Variants in TCEAL9 observed in about 807,000 individuals in gnomAD.
The protein encoded by TCEAL9 is transcription elongation factor A like 9.
TCEAL9 carries 2 observed loss-of-function variants against 5.2 expected under a neutral mutation model. The observed-to-expected ratio is 0.38, with a 90% CI of 0.16 to 1.21. TCEAL9 has a LOEUF of 1.21. Ranked by LOEUF, TCEAL9 falls within the 50% of genes most tolerant of loss-of-function variation. The pLI is 0.35. For missense variants in TCEAL9, 76 were observed against 74.2 expected (o/e 1.02, Z -0.09); for synonymous variants, 26 against 22.3 (o/e 1.17, Z -0.47).
At position 103,357,977 on chromosome X, in the gene TCEAL9, A is replaced by G. The variant is rs757314632; in HGVS notation, c.293A>G (p.His98Arg). The G allele has an allele frequency of 8.3e-7, 1 of 1,207,485 alleles. No homozygotes were observed. Among genetic ancestry groups the G allele is most frequent in the Non-Finnish European group, 1.1e-6 (1 of 893,406 alleles). The change falls in exon 3 of 3, where the codon CAT becomes CGT. Residue 98 changes from histidine (H) to arginine (R), a missense_variant. Transcript: ENST00000372661. ...IVMRWKVNRN[H>R]PYPYLM The stretch of plus-strand genomic sequence containing the variant: ...ATGCGTTGGAAGGTTAATCGAAACC[A>G]TCCTTACCCCTATTTAATGTAGTTT...
chrX:103,357,860 A>T lies in TCEAL9; in HGVS notation c.176A>T (p.Asp59Val). 8.3e-7 allele frequency: 1 copy of T among 1,212,058 alleles called. No individual in the cohort carries two copies. Among genetic ancestry groups the T allele is most frequent in the Non-Finnish European group, 1.1e-6 (1 of 895,625 alleles). The change falls in exon 3 of 3, where the codon GAT (aspartate) becomes GTT (valine). Residue 59 changes from aspartate (D) to valine (V), a missense_variant. Asp to Val is a radical substitution (Grantham distance 152). Transcript: ENST00000372661. ...LIQSLQEFKEDIHNRHLSNED... is the reference protein window; with the variant it reads ...LIQSLQEFKEVIHNRHLSNED... ...CAATCTCTCCAGGAGTTTAAAGAAG[A>T]TATACACAACAGGCATTTAAGCAAT...
Position 103,358,151 on chromosome X carries a change from T to A in TCEAL9, c.*152T>A, listed in dbSNP as rs1926929054. On this transcript the variant is annotated 3_prime_UTR_variant, in exon 3 of 3. Transcript: ENST00000372661. ...TTGTTATCTGCATCTCATTGTTTAT[T>A]GTATTTTGAACCAATCTACAAGTCT... is the stretch of plus-strand genomic sequence containing the variant. The A allele has an allele frequency of 2.1e-6, 1 of 472,661 alleles. No individual in the cohort carries two copies. Among genetic ancestry groups the A allele is most frequent in the South Asian group, 6.4e-5 (1 of 15,625 alleles). The allele number at this position is 472,661 out of a possible 1,213,427, so 39.0% of individuals were successfully genotyped here.
intron 1 of TCEAL9, 80 bp from the exon 2 acceptor site, chrX:103,357,003 A>G (rs991460156): frequency 2.7e-5 from 3 of 111,172 alleles, no homozygotes; most frequent in African/African-American, 9.9e-5. Context: ...CTAAAGGAGG[A>G]AAGCTACGTG....
Position 103,357,692 on chromosome X carries a change from C to T in TCEAL9, c.8C>T (p.Ser3Phe). 1 of 1,201,656 alleles carries T rather than the reference C, an allele frequency of 8.3e-7. No homozygotes were observed. Among genetic ancestry groups the T allele is most frequent in the Non-Finnish European group, 1.1e-6 (1 of 891,400 alleles). The stretch of plus-strand genomic sequence containing the variant: ...GAGGTAGACAGATACAAGATGAAAT[C>T]CTGTCAAAAAATGGAAGGAAAACCA... Reference protein sequence around the residue: MKSCQKMEGKPEN... With the variant: MKFCQKMEGKPEN... Residue 3 changes from serine (S) to phenylalanine (F), a missense_variant, in exon 3 of 3, where the codon TCC becomes TTC. Ser to Phe is a radical substitution (Grantham distance 155). Coordinates refer to ENST00000372661, the MANE Select transcript of TCEAL9 (RefSeq NM_016303.3).
Position 103,357,881 on chromosome X carries a change from G to A in TCEAL9, c.197G>A (p.Ser66Asn), listed in dbSNP as rs775899605. 3.3e-6 allele frequency: 4 copies of A among 1,211,843 alleles called. No homozygotes were observed. The highest frequency in any genetic ancestry group is 4.5e-6 in the Non-Finnish European group (4 of 895,563). The change falls in exon 3 of 3, where the codon AGC becomes AAC. Residue 66 changes from serine (S) to asparagine (N), a missense_variant. Ser to Asn is a conservative substitution (Grantham distance 46). Transcript: ENST00000372661. ...GAAGATATACACAACAGGCATTTAA[G>A]CAATGAAGATATGTTTAGAGAAGTG... ...FKEDIHNRHL[S>N]NEDMFREVDE...
chrX:103,358,173 GTC>G lies in TCEAL9; in HGVS notation c.*178_*179del. On this transcript the variant is annotated 3_prime_UTR_variant, in exon 3 of 3. Coordinates refer to ENST00000372661, the MANE Select transcript of TCEAL9 (RefSeq NM_016303.3). The stretch of plus-strand genomic sequence containing the variant: ...TATTGTATTTTGAACCAATCTACAA[GTC>G]TCTGTCTTTTAATAAAAGAACTTTA... The G allele has an allele frequency of 7.8e-6, 3 of 385,096 alleles. No homozygotes were observed. The highest frequency in any genetic ancestry group is 1.3e-5 in the Non-Finnish European group (3 of 230,708). The allele number at this position is 385,096 out of a possible 1,213,427, so 31.7% of individuals were successfully genotyped here.
In TCEAL9 at chrX:103,357,946, A is replaced by T. The variant is rs765861962; in HGVS notation, c.262A>T (p.Ile88Leu). The T allele has an allele frequency of 8.3e-7, 1 of 1,210,499 alleles. No individual in the cohort carries two copies. The highest frequency in any genetic ancestry group is 1.1e-6 in the Non-Finnish European group (1 of 895,368). Residue 88 changes from isoleucine to leucine, a missense_variant, in exon 3 of 3, where the codon ATA (isoleucine) becomes TTA (leucine). Transcript: ENST00000372661. Reference sequence around the variant, plus strand: ...GATAAGGAGAGTCAGAAACAAACTTATAGTGATGCGTTGGAAGGTTAATCG... The same window carrying T: ...GATAAGGAGAGTCAGAAACAAACTTTTAGTGATGCGTTGGAAGGTTAATCG... ...DEIRRVRNKL[I>L]VMRWKVNRNH... is the part of the protein sequence containing the mutation.
chrX:103,356,905 A>G (rs761000596), intron 1 of TCEAL9, 178 bp from the exon 2 acceptor site: 1 of 111,367 alleles, frequency 9.0e-6, no homozygotes, highest in Admixed American at 9.5e-5. Flanking sequence ...TCTTTGTCTG[A>G]TGGGAAAAAC....
In TCEAL9 at chrX:103,357,975, C is replaced by G; in HGVS notation, c.291C>G (p.Asn97Lys). 2 of 1,206,963 alleles carry G rather than the reference C, an allele frequency of 1.7e-6. No homozygotes were observed. Among genetic ancestry groups the G allele is most frequent in the Non-Finnish European group, 2.2e-6 (2 of 893,326 alleles). ...TGATGCGTTGGAAGGTTAATCGAAA[C>G]CATCCTTACCCCTATTTAATGTAGT... ...LIVMRWKVNR[N>K]HPYPYLM Residue 97 changes from asparagine to lysine, a missense_variant, in exon 3 of 3, where the codon AAC (asparagine) becomes AAG (lysine). Asn to Lys is a moderately conservative substitution (Grantham distance 94). Coordinates refer to ENST00000372661, the MANE Select transcript of TCEAL9 (RefSeq NM_016303.3).
intron 2 of TCEAL9, 57 bp from the exon 3 acceptor site, chrX:103,357,558 C>T: frequency 1.1e-6 from 1 of 922,862 alleles, no homozygotes; most frequent in Non-Finnish European, 1.5e-6. Context: ...GGCCTCTGTC[C>T]ACAGCACCTG....
intron 1 of TCEAL9, 105 bp downstream of exon 1, chrX:103,356,711 C>T (rs1256690347): frequency 9.1e-6 from 1 of 110,282 alleles, no homozygotes; most frequent in African/African-American, 3.3e-5. Flanking sequence ...CCTCCACCTC[C>T]AGGTCTACGG....
Position 103,357,638 on chromosome X carries a change from T to G in TCEAL9, c.-47T>G. On this transcript the variant is annotated 5_prime_UTR_variant, in exon 3 of 3. Transcript: ENST00000372661. Reference sequence around the variant, plus strand: ...AGAAGTCATTGTATTCAAAGAAGAATAAGCAAGAAAGAAAAGAAGGAAGGA... The same window carrying G: ...AGAAGTCATTGTATTCAAAGAAGAAGAAGCAAGAAAGAAAAGAAGGAAGGA... 1 of 1,132,212 alleles carries G rather than the reference T, an allele frequency of 8.8e-7. No individual in the cohort carries two copies. Among genetic ancestry groups the G allele is most frequent in the East Asian group, 3.2e-5 (1 of 31,067 alleles). 93.3% of individuals were successfully genotyped at this position (1,132,212 alleles called of 1,213,427 possible).
rs1337516236 is a variant in TCEAL9 at position 103,357,771 on chromosome X, A to C, written c.87A>C (p.Pro29=). 8.3e-7 allele frequency: 1 copy of C among 1,212,080 alleles called. No homozygotes were observed. The highest frequency in any genetic ancestry group is 1.1e-6 in the Non-Finnish European group (1 of 895,602). The change falls in exon 3 of 3, where the codon CCA becomes CCC. Residue 29 remains proline (P), a synonymous_variant. Transcript: ENST00000372661. ...AAGAGCCAAAGCCTGAGGAAAAGCC[A>C]GAAGAGGAGGAGAAGCTAGAGGAGG... ...HEEEPKPEEK[P]EEEEKLEEEA... is the part of the protein sequence containing the mutation.
rs1439145311 is a variant in TCEAL9, at chrX:103,358,101, CT to C, written c.*103del. The C allele has an allele frequency of 1.3e-6, 1 of 748,337 alleles. No homozygotes were observed. The highest frequency in any genetic ancestry group is 2.1e-5 in the African/African-American group (1 of 46,732). The allele number at this position is 748,337 out of a possible 1,213,427, so 61.7% of individuals were successfully genotyped here. A position where few individuals can be genotyped will look rare whatever the true frequency, so the allele number is the denominator to read the frequency against. ...CCATATTTCTACTTATAACCTGTTGCTATTAATGGTTTTAGATGTATCTCTT... is the reference window on the plus strand; with the variant it reads ...CCATATTTCTACTTATAACCTGTTGCATTAATGGTTTTAGATGTATCTCTT... On this transcript the variant is annotated 3_prime_UTR_variant, in exon 3 of 3. Coordinates refer to ENST00000372661, the MANE Select transcript of TCEAL9 (RefSeq NM_016303.3).
Position 103,357,956 on chromosome X carries a change from G to T in TCEAL9, c.272G>T (p.Arg91Leu). 1 of 1,210,735 alleles carries T rather than the reference G, an allele frequency of 8.3e-7. No homozygotes were observed. The highest frequency in any genetic ancestry group is 1.8e-5 in the South Asian group (1 of 56,512). The change falls in exon 3 of 3, where the codon CGT becomes CTT. Residue 91 changes from arginine (R) to leucine (L), a missense_variant. Coordinates refer to ENST00000372661, the MANE Select transcript of TCEAL9 (RefSeq NM_016303.3). Reference protein sequence around the residue: ...RRVRNKLIVMRWKVNRNHPYP... With the variant: ...RRVRNKLIVMLWKVNRNHPYP... Reference sequence around the variant, plus strand: ...GTCAGAAACAAACTTATAGTGATGCGTTGGAAGGTTAATCGAAACCATCCT... The same window carrying T: ...GTCAGAAACAAACTTATAGTGATGCTTTGGAAGGTTAATCGAAACCATCCT...
chrX:103,358,165 A>G lies in TCEAL9; in HGVS notation c.*166A>G. The G allele has an allele frequency of 2.5e-6, 1 of 406,190 alleles. No homozygotes were observed. Among genetic ancestry groups the G allele is most frequent in the Non-Finnish European group, 4.1e-6 (1 of 245,138 alleles). 33.5% of individuals were successfully genotyped at this position (406,190 alleles called of 1,213,427 possible). ...TCATTGTTTATTGTATTTTGAACCA[A>G]TCTACAAGTCTCTGTCTTTTAATAA... On this transcript the variant is annotated 3_prime_UTR_variant, in exon 3 of 3. Transcript: ENST00000372661.
Position 103,357,642 on chromosome X carries a change from C to A in TCEAL9, c.-43C>A. 1 of 1,135,216 alleles carries A rather than the reference C, an allele frequency of 8.8e-7. No homozygotes were observed. The highest frequency in any genetic ancestry group is 1.2e-6 in the Non-Finnish European group (1 of 862,108). The allele number at this position is 1,135,216 out of a possible 1,213,427, so 93.6% of individuals were successfully genotyped here. On this transcript the variant is annotated 5_prime_UTR_variant, in exon 3 of 3. Coordinates refer to ENST00000372661, the MANE Select transcript of TCEAL9 (RefSeq NM_016303.3). Reference sequence around the variant, plus strand: ...GTCATTGTATTCAAAGAAGAATAAGCAAGAAAGAAAAGAAGGAAGGAAGAG... The same window carrying A: ...GTCATTGTATTCAAAGAAGAATAAGAAAGAAAGAAAAGAAGGAAGGAAGAG...
chrX:103,357,450 G>A (rs1346687943), intron 2 of TCEAL9, 165 bp from the exon 3 acceptor site: 1 of 350,910 alleles, frequency 2.8e-6, no homozygotes, highest in Non-Finnish European at 4.8e-6. Context: ...GAAAGTGGAG[G>A]TAAAAGGAGT....
rs1373777608 is a variant in TCEAL9, at chrX:103,357,674, A to G, written c.-11A>G. 8.4e-6 allele frequency: 10 copies of G among 1,190,922 alleles called. No individual in the cohort carries two copies. Among genetic ancestry groups the G allele is most frequent in the Non-Finnish European group, 1.1e-5 (10 of 886,200 alleles). On this transcript the variant is annotated 5_prime_UTR_variant, in exon 3 of 3. Coordinates refer to ENST00000372661, the MANE Select transcript of TCEAL9 (RefSeq NM_016303.3). Reference sequence around the variant, plus strand: ...GAAAAGAAGGAAGGAAGAGAGGTAGACAGATACAAGATGAAATCCTGTCAA... The same window carrying G: ...GAAAAGAAGGAAGGAAGAGAGGTAGGCAGATACAAGATGAAATCCTGTCAA...
Sources: allele counts gnomAD v4.1 joint callset, GRCh38; gene constraint gnomAD v4.1.1; transcripts MANE v1.5; gene names NCBI Gene and HGNC (gene_info 2026-07-23, HGNC 2026-07-21).